PRIM2: variants seen among roughly 807,000 people sequenced by gnomAD.
PRIM2 encodes DNA primase large subunit.
PRIM2 carries 39 observed loss-of-function variants against 67.3 expected under a neutral mutation model. The ratio of observed to expected loss-of-function variants is 0.58; its 90% confidence interval spans 0.45 to 0.76. PRIM2 has a LOEUF of 0.76. Among genes scored for constraint, PRIM2 ranks in the 30% least tolerant of loss-of-function variants. The pLI is 0.00. For synonymous variants in PRIM2, 143 were observed against 198.7 expected (o/e 0.72, Z 2.36); for missense variants, 398 against 598.7 (o/e 0.66, Z 3.50).
intron 7 of PRIM2, among the ~76,000 whole-genome samples, chr6:57,487,375 C>G (rs1773778731): frequency 1.3e-5 from 2 of 152,046 alleles, no homozygotes; most frequent in Admixed American, 1.3e-4. Context: ...ACTACAGGTG[C>G]ATGCCGCCAT....
At chr6:57,476,993 G>T (rs1773492814) in intron 7 of PRIM2, among the ~76,000 whole-genome samples, 1 of 152,094 alleles carries the variant, frequency 6.6e-6, no homozygotes, top group African/African-American at 2.4e-5. Flanking sequence ...GAATGAGTTG[G>T]ATTTTAAGAG....
intron 10 of PRIM2, among the ~76,000 whole-genome samples, chr6:57,560,998 C>A (rs1392508623): frequency 6.6e-6 from 1 of 152,192 alleles, no homozygotes; most frequent in South Asian, 2.1e-4. Flanking sequence ...GCATTGACTT[C>A]TCCTTTCTAG....
At chr6:57,279,936 C>T in the PRIM2 span, among the ~76,000 whole-genome samples, 6 of 152,114 alleles carry the variant, frequency 3.9e-5, no homozygotes, top group African/African-American at 1.4e-4. Context: ...AGACTGAAGA[C>T]ACCCTATACC....
chr6:57,393,748 T>C (rs1485356812), intron 7 of PRIM2, among the ~76,000 whole-genome samples: 1 of 151,950 alleles, frequency 6.6e-6, no homozygotes, highest in Non-Finnish European at 1.5e-5. Context: ...AGCCAGTGTC[T>C]AAAAGGGTTT....
chr6:57,504,411 A>G (rs1302446087), intron 7 of PRIM2, among the ~76,000 whole-genome samples: 1 of 152,222 alleles, frequency 6.6e-6, no homozygotes. Context: ...TGAGATTTAT[A>G]TAAGAGTTAG....
At chr6:57,581,980 A>C (rs1334332445) in intron 10 of PRIM2, among the ~76,000 whole-genome samples, 2 of 152,214 alleles carry the variant, frequency 1.3e-5, no homozygotes, top group Non-Finnish European at 2.9e-5. Context: ...GACTACAGGC[A>C]TGGGGCAACA....
chr6:57,352,403 G>C (rs1266394470), intron 5 of PRIM2, among the ~76,000 whole-genome samples: 1 of 151,966 alleles, frequency 6.6e-6, no homozygotes, highest in Non-Finnish European at 1.5e-5. Context: ...ACCATGCCTG[G>C]CTAGCTTTTG....
intron 10 of PRIM2, among the ~76,000 whole-genome samples, chr6:57,591,216 C>A (rs1200952330): frequency 2.6e-5 from 4 of 152,084 alleles, no homozygotes; most frequent in Admixed American, 2.0e-4. Context: ...TAAAAGGGGG[C>A]ACCATATATT....
intron 7 of PRIM2, among the ~76,000 whole-genome samples, chr6:57,480,368 T>A (rs1371528468): frequency 6.6e-6 from 1 of 151,978 alleles, no homozygotes; most frequent in Non-Finnish European, 1.5e-5. Flanking sequence ...CTTCACCCAG[T>A]TCCCCCCAGT....
At chr6:57,236,203 G>T in the PRIM2 span, among the ~76,000 whole-genome samples, 131 of 152,188 alleles carry the variant, frequency 8.6e-4, 4 homozygotes, top group South Asian at 0.026. Flanking sequence ...CCTAAAGTCA[G>T]ATACCTGGGA....
chr6:57,626,624 CTT>C (rs1159199798), intron 12 of PRIM2, among the ~76,000 whole-genome samples: 99 of 133,824 alleles, frequency 7.4e-4, no homozygotes, highest in Non-Finnish European at 7.2e-4. Context: ...AACTGCATTG[CTT>C]TTTTTTTTTT....
At chr6:57,496,385 A>G (rs1228810284) in intron 7 of PRIM2, among the ~76,000 whole-genome samples, 7 of 152,196 alleles carry the variant, frequency 4.6e-5, no homozygotes, top group African/African-American at 1.7e-4. Flanking sequence ...ATCATGGCCT[A>G]TACTGCTGAC....
intron 7 of PRIM2, among the ~76,000 whole-genome samples, chr6:57,458,829 A>T (rs1772901838): frequency 6.6e-6 from 1 of 152,166 alleles, no homozygotes; most frequent in Non-Finnish European, 1.5e-5. Flanking sequence ...TTGTCTTCAT[A>T]AAAAAATTGT....
At chr6:57,645,875 A>G (rs1777325604) in intron 13 of PRIM2, 53 bp from the exon 14 acceptor site, 1 of 981,004 alleles carries the variant, frequency 1.0e-6, no homozygotes, top group Non-Finnish European at 1.6e-6. Context: ...TGAAACTCAT[A>G]TATTTATAGC....
At chr6:57,518,550 A>G (rs1197941576) in intron 8 of PRIM2, among the ~76,000 whole-genome samples, 3 of 152,154 alleles carry the variant, frequency 2.0e-5, no homozygotes, top group African/African-American at 7.2e-5. Context: ...AAACACTTGA[A>G]TGAATGAATA....
At chr6:57,628,445 A>G (rs1265671280) in intron 12 of PRIM2, among the ~76,000 whole-genome samples, 1 of 152,218 alleles carries the variant, frequency 6.6e-6, no homozygotes, top group Non-Finnish European at 1.5e-5. Context: ...GCCTAACAAC[A>G]TCTTCATTAC....
intron 7 of PRIM2, among the ~76,000 whole-genome samples, chr6:57,419,956 T>G (rs1156454594): frequency 2.0e-5 from 3 of 152,146 alleles, no homozygotes; most frequent in Non-Finnish European, 4.4e-5. Flanking sequence ...GGACTTTGAT[T>G]TGGAACTGAG....
At chr6:57,541,164 A>G (rs1457295617) in intron 10 of PRIM2, among the ~76,000 whole-genome samples, 2 of 152,242 alleles carry the variant, frequency 1.3e-5, no homozygotes, top group African/African-American at 4.8e-5. Flanking sequence ...TGTCAGACAG[A>G]TGGTTCATCT....
At chr6:57,385,880 T>C (rs923585652) in intron 7 of PRIM2, among the ~76,000 whole-genome samples, 8 of 152,176 alleles carry the variant, frequency 5.3e-5, no homozygotes, top group Non-Finnish European at 8.8e-5. Context: ...CCAATTCTGA[T>C]TGACTTTATC....
Sources: gnomAD v4.1 joint callset for allele counts (sites outside exome capture counted in the v4.1 genomes callset) on GRCh38, gnomAD v4.1.1 for gene constraint, MANE v1.5 for transcripts, NCBI Gene and HGNC (gene_info 2026-07-23, HGNC 2026-07-21) for gene names.